CDIN1: variants seen among roughly 807,000 people sequenced by gnomAD.
CDIN1 encodes the protein CDAN1 interacting nuclease 1.
In CDIN1, 33 loss-of-function variants were observed where a neutral mutation model predicts 45.3. The observed-to-expected ratio is 0.73, with a 90% confidence interval of 0.55 to 0.97. CDIN1 has a LOEUF of 0.97. Among genes scored for constraint, CDIN1 ranks in the 50% least tolerant of loss-of-function variants. The pLI is 0.00. For missense variants in CDIN1, 303 were observed against 339.4 expected, an observed-to-expected ratio of 0.89 and a Z score of 0.84; for synonymous variants, 118 against 124.4, an observed-to-expected ratio of 0.95 and a Z score of 0.34.
At chr15:36,622,950 A>G (rs1445794485) in intron 1 of CDIN1, among the ~76,000 whole-genome samples, 1 of 152,242 alleles carries the variant, frequency 6.6e-6, no homozygotes, top group Non-Finnish European at 1.5e-5. Context: ...CCATTTCTAA[A>G]TATTGAGACA....
intron 10 of CDIN1, among the ~76,000 whole-genome samples, chr15:36,729,747 G>A (rs1375201015): frequency 3.3e-5 from 5 of 152,116 alleles, no homozygotes; most frequent in African/African-American, 1.2e-4. Flanking sequence ...TCTAAGATTT[G>A]TCATTTATCA....
At chr15:36,645,688 T>C (rs1366662403) in intron 3 of CDIN1, among the ~76,000 whole-genome samples, 1 of 152,168 alleles carries the variant, frequency 6.6e-6, no homozygotes, top group Non-Finnish European at 1.5e-5. Context: ...TTTCTTAGAT[T>C]AGCAAGTTGA....
chr15:36,723,563 TTTTA>T (rs1318076942), intron 10 of CDIN1, among the ~76,000 whole-genome samples: 7 of 152,202 alleles, frequency 4.6e-5, no homozygotes, highest in Non-Finnish European at 7.3e-5. Flanking sequence ...TTCATATTTC[TTTTA>T]TTTATTTTTT....
Position 36,794,061 on chromosome 15 carries a change from A to AT in CDIN1, c.717-14248dup, listed in dbSNP as rs71126238. ...TAATATTAAATATGCCATCATAACT[A>AT]TTTTTTTTTTTTTTTGAGATGGAGT... On this transcript the variant is annotated intron_variant, in intron 10 of 10. Transcript: ENST00000566621. 4.4e-3 allele frequency among the ~76,000 whole-genome samples: 534 copies of AT among 121,252 alleles called. 16 individuals carry two copies. Among genetic ancestry groups the AT allele is most frequent in the African/African-American group, 0.014 (471 of 34,016 alleles). The allele number at this position is 121,252 out of a possible 152,430, so 79.5% of individuals were successfully genotyped here. A position where few individuals can be genotyped will look rare whatever the true frequency, so the allele number is the denominator to read the frequency against.
intron 5 of CDIN1, among the ~76,000 whole-genome samples, chr15:36,679,672 T>C (rs993590591): frequency 6.6e-6 from 1 of 152,212 alleles, no homozygotes; most frequent in Admixed American, 6.5e-5. Flanking sequence ...TTATATGACT[T>C]TCAAGTCTAG....
At chr15:36,587,712 C>T (rs1158967239) in intron 1 of CDIN1, among the ~76,000 whole-genome samples, 1 of 152,118 alleles carries the variant, frequency 6.6e-6, no homozygotes, top group East Asian at 1.9e-4. Flanking sequence ...TTCTTGCCTC[C>T]TATCACAGTT....
At chr15:36,716,540 T>C (rs1001592136) in intron 10 of CDIN1, among the ~76,000 whole-genome samples, 7 of 152,304 alleles carry the variant, frequency 4.6e-5, no homozygotes, top group African/African-American at 1.7e-4. Flanking sequence ...AGCTTAATGG[T>C]TCTCAAAGTT....
chr15:36,805,871 T>G (rs2055210780), intron 10 of CDIN1, among the ~76,000 whole-genome samples: 2 of 152,192 alleles, frequency 1.3e-5, no homozygotes, highest in South Asian at 4.1e-4. Flanking sequence ...CTAAAGTCCT[T>G]ACTGCTTTTG....
At chr15:36,664,842 A>C (rs574194978) in intron 5 of CDIN1, among the ~76,000 whole-genome samples, 1 of 152,216 alleles carries the variant, frequency 6.6e-6, no homozygotes, top group Non-Finnish European at 1.5e-5. Context: ...CACCGCGCCC[A>C]GCCTGGTTAC....
intron 10 of CDIN1, among the ~76,000 whole-genome samples, chr15:36,736,938 G>A (rs1195904833): frequency 5.3e-5 from 8 of 151,800 alleles, no homozygotes; most frequent in African/African-American, 1.9e-4. Flanking sequence ...AGGCTGAGGC[G>A]AGCGGATCAC....
At chr15:36,777,862 C>T (rs147743423) in intron 10 of CDIN1, among the ~76,000 whole-genome samples, 3 of 152,302 alleles carry the variant, frequency 2.0e-5, no homozygotes, top group Non-Finnish European at 2.9e-5. Flanking sequence ...CTGCCCGCCT[C>T]GGCCTCCCAA....
In CDIN1 at chr15:36,599,323, G is replaced by A. The variant is rs375989784; in HGVS notation, c.101+19362G>A. 4.2e-4 allele frequency among the ~76,000 whole-genome samples: 64 copies of A among 152,254 alleles called. No individual in the cohort carries two copies. In the South Asian group the frequency reaches 0.012, roughly 29 times the overall value. ...GAAAGTAAAATATAACACAGACATG[G>A]AGCCATTTGTTATATTTTAGTATAT... On this transcript the variant is annotated intron_variant, in intron 1 of 10. Transcript: ENST00000566621.
chr15:36,799,276 T>G (rs956540513), intron 10 of CDIN1: 1 of 152,212 alleles, frequency 6.6e-6, no homozygotes, highest in Admixed American at 6.5e-5. Context: ...TTCGGGTACT[T>G]TGTTACTTTT....
intron 1 of CDIN1, among the ~76,000 whole-genome samples, chr15:36,638,613 A>G (rs1652041382): frequency 6.6e-6 from 1 of 152,256 alleles, no homozygotes. Flanking sequence ...CAGTCTTTTA[A>G]TCCTTGACTG....
At chr15:36,681,684 A>C (rs1386906546) in intron 5 of CDIN1, among the ~76,000 whole-genome samples, 1 of 152,230 alleles carries the variant, frequency 6.6e-6, no homozygotes, top group Non-Finnish European at 1.5e-5. Context: ...TATAGGGATT[A>C]GTTTTAGACT....
chr15:36,650,035 A>T (rs1275141244), intron 3 of CDIN1, among the ~76,000 whole-genome samples: 1 of 152,196 alleles, frequency 6.6e-6, no homozygotes, highest in East Asian at 1.9e-4. Context: ...ATTTAAGCCA[A>T]CCTTTTTTAC....
intron 1 of CDIN1, among the ~76,000 whole-genome samples, chr15:36,597,185 C>G (rs1175785995): frequency 6.6e-6 from 1 of 152,132 alleles, no homozygotes; most frequent in South Asian, 2.1e-4. Flanking sequence ...TTCGGTGATT[C>G]ACTGAAAGGT....
chr15:36,663,184 A>G (rs2041093088), intron 5 of CDIN1, among the ~76,000 whole-genome samples: 1 of 152,140 alleles, frequency 6.6e-6, no homozygotes, highest in Non-Finnish European at 1.5e-5. Flanking sequence ...TGTATGTACA[A>G]TCTTAGTGGG....
At chr15:36,663,474 T>A (rs988338244) in intron 5 of CDIN1, among the ~76,000 whole-genome samples, 2 of 152,144 alleles carry the variant, frequency 1.3e-5, no homozygotes, top group African/African-American at 4.8e-5. Context: ...TAGGAGGTAA[T>A]TGAATCATGG....
Sources: gnomAD v4.1 joint callset for allele counts (sites outside exome capture counted in the v4.1 genomes callset) on GRCh38, gnomAD v4.1.1 for gene constraint, MANE v1.5 for transcripts, NCBI Gene and HGNC (gene_info 2026-07-23, HGNC 2026-07-21) for gene names.